PPP4R4: variants seen among roughly 807,000 people sequenced by gnomAD.
The protein encoded by PPP4R4 is protein phosphatase 4 regulatory subunit 4, also known as serine/threonine-protein phosphatase 4 regulatory subunit 4.
In PPP4R4, 70 loss-of-function variants were observed where a neutral mutation model predicts 121.8. The observed-to-expected ratio is 0.57, with a 90% CI of 0.47 to 0.70. PPP4R4 has a LOEUF of 0.70. Among genes scored for constraint, PPP4R4 ranks in the 30% least tolerant of loss-of-function variants. The pLI is 0.00. For synonymous variants in PPP4R4, 348 were observed against 355.7 expected (o/e 0.98, Z 0.24); for missense variants, 875 against 1,033.6 (o/e 0.85, Z 2.10).
chr14:94,256,457 TA>T lies in PPP4R4; in HGVS notation c.1866-2del. 6.3e-7 allele frequency: 1 copy of T among 1,576,436 alleles called. No individual in the cohort carries two copies. The highest frequency in any genetic ancestry group is 8.7e-7 in the Non-Finnish European group (1 of 1,155,230). On this transcript the variant is annotated splice_acceptor_variant, in intron 16 of 24. Transcript: ENST00000304338. LOFTEE classifies it high-confidence loss of function. ...CTCAAGAGTAAATACTATTTTATTG[TA>T]GAATGAAACTTTGCTACCTGTTGCC...
At chr14:94,219,926 T>A (rs1261852726) in intron 3 of PPP4R4, among the ~76,000 whole-genome samples, 4 of 152,072 alleles carry the variant, frequency 2.6e-5, no homozygotes, top group Non-Finnish European at 4.4e-5. Flanking sequence ...TGAGACCCTG[T>A]CTTAAAATAA....
chr14:94,219,057 CT>C lies in PPP4R4; in HGVS notation c.294+10503del, dbSNP rs35618569. 3.8e-3 allele frequency among the ~76,000 whole-genome samples: 499 copies of C among 131,718 alleles called. 5 individuals carry two copies. Among genetic ancestry groups the C allele is most frequent in the African/African-American group, 0.01 (361 of 35,874 alleles). The allele number at this position is 131,718 out of a possible 152,430, so 86.4% of individuals were successfully genotyped here. A position where few individuals can be genotyped will look rare whatever the true frequency, so the allele number is the denominator to read the frequency against. The stretch of plus-strand genomic sequence containing the variant: ...ACCACAAGAAATGGTAAAGGAAAAT[CT>C]TTTTTTTTTTTCTTTTCTTTTCTTT... On this transcript the variant is annotated intron_variant, in intron 3 of 24. Transcript: ENST00000304338.
intron 15 of PPP4R4, among the ~76,000 whole-genome samples, chr14:94,250,514 C>T (rs958381121): frequency 4.0e-5 from 6 of 151,808 alleles, no homozygotes; most frequent in Non-Finnish European, 5.9e-5. Flanking sequence ...AATATATTTA[C>T]TTATATTGAA....
At chr14:94,274,188 A>G (rs1037858066) in intron 23 of PPP4R4, among the ~76,000 whole-genome samples, 3 of 152,158 alleles carry the variant, frequency 2.0e-5, no homozygotes, top group Non-Finnish European at 4.4e-5. Flanking sequence ...CCTAAGCATA[A>G]AAGTGTCTAT....
At position 94,194,523 on chromosome 14, in the gene PPP4R4, C is replaced by T. The variant is rs199830650; in HGVS notation, c.192-13941C>T. Among the ~76,000 whole-genome samples the T allele has an allele frequency of 1.1e-4, 17 of 152,270 alleles. No homozygotes were observed. The East Asian group carries it at 3.3e-3, about 29-fold the overall frequency. On this transcript the variant is annotated intron_variant, in intron 2 of 24. Transcript: ENST00000304338. ...CAAATATTTAAAAATTACATGTGTG[C>T]TATAAAGCAGCAAGAAAGTGAAATC...
chr14:94,249,350 G>A (rs1235540290), intron 14 of PPP4R4, among the ~76,000 whole-genome samples: 3 of 151,940 alleles, frequency 2.0e-5, no homozygotes, highest in South Asian at 4.1e-4. Context: ...AATGTGAATA[G>A]CTCATATAAA....
In PPP4R4 at chr14:94,220,302, G is replaced by T. The variant is rs75448777; in HGVS notation, c.295-10285G>T. Among the ~76,000 whole-genome samples, 966 of 152,240 alleles carry T rather than the reference G, an allele frequency of 6.3e-3. 10 individuals carry two copies. Among genetic ancestry groups the T allele is most frequent in the African/African-American group, 0.021 (862 of 41,532 alleles). The stretch of plus-strand genomic sequence containing the variant: ...AGCTTCCTCTGTGAGAAACCTACAT[G>T]TTCAGTTAAAGGTGAAAGACTTTTT... On this transcript the variant is annotated intron_variant, in intron 3 of 24. Transcript: ENST00000304338.
At chr14:94,227,968 G>A in intron 3 of PPP4R4, 1 of 762,916 alleles carries the variant, frequency 1.3e-6, no homozygotes, top group Non-Finnish European at 1.6e-6. Context: ...TGGGAGGATT[G>A]ATTTCAGAGA....
chr14:94,255,262 T>C (rs1234479276), intron 16 of PPP4R4, among the ~76,000 whole-genome samples: 1 of 152,180 alleles, frequency 6.6e-6, no homozygotes, highest in African/African-American at 2.4e-5. Context: ...TCTCTGTCAT[T>C]CTACCTCCAA....
chr14:94,228,738 C>A (rs1270332430), intron 3 of PPP4R4, among the ~76,000 whole-genome samples: 1 of 152,112 alleles, frequency 6.6e-6, no homozygotes, highest in African/African-American at 2.4e-5. Flanking sequence ...CATTTAGTCA[C>A]CCGGCAGCTG....
intron 2 of PPP4R4, among the ~76,000 whole-genome samples, chr14:94,178,118 G>C (rs1410288424): frequency 6.6e-6 from 1 of 152,170 alleles, no homozygotes; most frequent in Non-Finnish European, 1.5e-5. Context: ...CTGGGATTCA[G>C]GGGAGGGGAC....
intron 3 of PPP4R4, among the ~76,000 whole-genome samples, chr14:94,228,453 C>T (rs1433855910): frequency 6.6e-6 from 1 of 152,078 alleles, no homozygotes; most frequent in African/African-American, 2.4e-5. Context: ...TGACAGTGTC[C>T]CACTGTGCTG....
intron 23 of PPP4R4, among the ~76,000 whole-genome samples, chr14:94,268,140 AG>A (rs1331555818): frequency 5.9e-5 from 9 of 152,212 alleles, no homozygotes; most frequent in African/African-American, 2.2e-4. Flanking sequence ...GGAGGTACTA[AG>A]GAACATTCAG....
At chr14:94,261,409 A>G (rs1448162889) in intron 19 of PPP4R4, among the ~76,000 whole-genome samples, 1 of 152,076 alleles carries the variant, frequency 6.6e-6, no homozygotes, top group Non-Finnish European at 1.5e-5. Context: ...TGATTTTTAT[A>G]TATTAACCTT....
rs1221560645 is a variant in PPP4R4, at chr14:94,230,694, C to G, written c.402C>G (p.Phe134Leu). Reference sequence around the variant, plus strand: ...CAATTCATGCATATACCCACTCATTCCTCCAAGTCATTCTCCTGCATCTGG... The same window carrying G: ...CAATTCATGCATATACCCACTCATTGCTCCAAGTCATTCTCCTGCATCTGG... ...SVSIHAYTHS[F>L]LQVILLHLEH... Residue 134 changes from phenylalanine (F) to leucine (L), a missense_variant, in exon 4 of 25, where the codon TTC becomes TTG. Coordinates refer to ENST00000304338, the MANE Select transcript of PPP4R4 (RefSeq NM_058237.2). The G allele has an allele frequency of 6.2e-7, 1 of 1,613,434 alleles. No homozygotes were observed. The highest frequency in any genetic ancestry group is 1.3e-5 in the African/African-American group (1 of 74,892).
At chr14:94,211,272 G>A (rs375982644) in intron 3 of PPP4R4, among the ~76,000 whole-genome samples, 1 of 152,130 alleles carries the variant, frequency 6.6e-6, no homozygotes, top group Admixed American at 6.6e-5. Context: ...CCCAAGAAAG[G>A]TATAATGGTC....
chr14:94,175,906 A>G (rs1888654703), intron 1 of PPP4R4, 148 bp from the exon 2 acceptor site: 3 of 658,772 alleles, frequency 4.6e-6, no homozygotes, highest in East Asian at 5.4e-5. Context: ...GTCGCCTGGT[A>G]TCCTCAGCTC....
chr14:94,223,026 G>T, intron 3 of PPP4R4, among the ~76,000 whole-genome samples: 1 of 151,056 alleles, frequency 6.6e-6, no homozygotes, highest in Non-Finnish European at 1.5e-5. Context: ...TTTTTATTTT[G>T]ATTATTGTAT....
intron 23 of PPP4R4, among the ~76,000 whole-genome samples, chr14:94,268,589 C>A (rs544909986): frequency 4.3e-4 from 66 of 152,184 alleles, no homozygotes; most frequent in African/African-American, 1.5e-3. Flanking sequence ...TAAAGACATA[C>A]CCAAGACTGG....
Sources: allele counts gnomAD v4.1 joint callset (sites outside exome capture counted in the v4.1 genomes callset), GRCh38; gene constraint gnomAD v4.1.1; transcripts MANE v1.5; gene names NCBI Gene and HGNC (gene_info 2026-07-23, HGNC 2026-07-21).